The following CADM2 variants were observed in gnomAD, a reference collection of about 807,000 sequenced individuals.
CADM2 encodes immunoglobulin superfamily member 4D.
CADM2 carries 12 observed loss-of-function variants against 49.8 expected under a neutral mutation model. The observed-to-expected ratio is 0.24, with a 90% CI of 0.15 to 0.39. The LOEUF (loss-of-function observed/expected upper bound fraction) is 0.39. Ranked by LOEUF, CADM2 falls within the 10% of genes least tolerant of loss-of-function variation. CADM2 has a pLI of 1.00. For missense variants in CADM2, 378 were observed against 492.3 expected, an observed-to-expected ratio of 0.77 and a Z score of 2.20; for synonymous variants, 214 against 175.4, an observed-to-expected ratio of 1.22 and a Z score of -1.74.
intron 1 of CADM2, among the ~76,000 whole-genome samples, chr3:85,260,791 T>C (rs1031479930): frequency 6.6e-6 from 1 of 152,198 alleles, no homozygotes; most frequent in Non-Finnish European, 1.5e-5. Flanking sequence ...GAAAGTAAAC[T>C]ATTCACAAAT....
intron 8 of CADM2, among the ~76,000 whole-genome samples, chr3:86,000,814 ATTT>A (rs1305696379): frequency 1.3e-5 from 2 of 152,196 alleles, no homozygotes; most frequent in African/African-American, 4.8e-5. Flanking sequence ...TAAATAATTT[ATTT>A]TAAGAATTTG....
intron 2 of CADM2, chr3:85,800,110 T>C (rs2071906507): frequency 6.6e-6 from 1 of 152,218 alleles, no homozygotes; most frequent in South Asian, 2.1e-4. Context: ...AGAGAGGCAG[T>C]GTGGAAACAG....
At chr3:85,907,636 C>T (rs1716978591) in intron 5 of CADM2, among the ~76,000 whole-genome samples, 1 of 152,220 alleles carries the variant, frequency 6.6e-6, no homozygotes, top group African/African-American at 2.4e-5. Context: ...ATTGGCTGGA[C>T]ACGGTGGCTC....
intron 1 of CADM2, among the ~76,000 whole-genome samples, chr3:85,375,612 A>G (rs1015835372): frequency 7.4e-4 from 113 of 152,292 alleles, no homozygotes; most frequent in African/African-American, 2.6e-3. Context: ...CCAAGAAGGA[A>G]CTGAAAGAAC....
chr3:85,307,680 C>T (rs541994859), intron 1 of CADM2, among the ~76,000 whole-genome samples: 3 of 151,742 alleles, frequency 2.0e-5, no homozygotes, highest in African/African-American at 7.2e-5. Flanking sequence ...CATGATTTCC[C>T]TCACTGTTCT....
chr3:85,908,615 A>G (rs1395348879), intron 5 of CADM2, among the ~76,000 whole-genome samples: 2 of 151,996 alleles, frequency 1.3e-5, no homozygotes, highest in Non-Finnish European at 2.9e-5. Context: ...AGAATGAGAA[A>G]CTGCATGCCA....
chr3:85,321,116 ATTTTTTTTTTTTT>A (rs1157576505), intron 1 of CADM2, among the ~76,000 whole-genome samples: 2 of 27,496 alleles, frequency 7.3e-5, no homozygotes, highest in Non-Finnish European at 6.5e-5. Flanking sequence ...ATATATATAT[ATTTTTTTTTTTTT>A]TTTTTTTTTT....
intron 1 of CADM2, among the ~76,000 whole-genome samples, chr3:85,227,378 A>G (rs1433068825): frequency 3.3e-5 from 5 of 150,488 alleles, no homozygotes; most frequent in Non-Finnish European, 7.4e-5. Context: ...CCATTATGTA[A>G]TGCCTTTCTT....
At chr3:84,977,980 G>C (rs768889515) in intron 1 of CADM2, among the ~76,000 whole-genome samples, 12 of 152,028 alleles carry the variant, frequency 7.9e-5, no homozygotes, top group Non-Finnish European at 1.5e-4. Flanking sequence ...ACTTTTGAAG[G>C]AGAATAAAGG....
intron 1 of CADM2, among the ~76,000 whole-genome samples, chr3:85,128,094 ATGG>A (rs1243725661): frequency 6.6e-6 from 1 of 152,156 alleles, no homozygotes; most frequent in African/African-American, 2.4e-5. Flanking sequence ...AGTTTATTGA[ATGG>A]TGCTTATATA....
At chr3:85,337,313 G>A (rs1464551008) in intron 1 of CADM2, among the ~76,000 whole-genome samples, 1 of 150,564 alleles carries the variant, frequency 6.6e-6, no homozygotes, top group Non-Finnish European at 1.5e-5. Flanking sequence ...TTTTAATGAG[G>A]GGCAAAAAGA....
At chr3:85,732,304 C>T (rs2067968954) in intron 2 of CADM2, among the ~76,000 whole-genome samples, 1 of 151,754 alleles carries the variant, frequency 6.6e-6, no homozygotes, top group South Asian at 2.1e-4. Flanking sequence ...CAAATTCTTG[C>T]ATAACAGCTA....
chr3:85,753,266 C>G (rs2068947415), intron 2 of CADM2, among the ~76,000 whole-genome samples: 1 of 149,936 alleles, frequency 6.7e-6, no homozygotes. Context: ...TTTGATGAAG[C>G]AAGAAAGAAA....
chr3:85,430,229 T>C (rs55974846), intron 1 of CADM2, among the ~76,000 whole-genome samples: 106 of 152,290 alleles, frequency 7.0e-4, no homozygotes, highest in Non-Finnish European at 1.3e-3. Flanking sequence ...CAGATCCTTT[T>C]ATAGCTTTCC....
At chr3:85,967,041 C>T (rs1725566214) in intron 8 of CADM2, among the ~76,000 whole-genome samples, 1 of 151,582 alleles carries the variant, frequency 6.6e-6, no homozygotes, top group Admixed American at 6.6e-5. Flanking sequence ...TCCTAAGAAT[C>T]AATAAGATTG....
intron 8 of CADM2, among the ~76,000 whole-genome samples, chr3:85,978,975 G>A (rs1727131898): frequency 6.6e-6 from 1 of 151,542 alleles, no homozygotes; most frequent in African/African-American, 2.4e-5. Context: ...TCTTTGCTTT[G>A]TGTTGGAGCA....
At chr3:85,010,630 A>C (rs73843263) in intron 1 of CADM2, among the ~76,000 whole-genome samples, 7,666 of 152,056 alleles carry the variant, frequency 0.05, 635 homozygotes, top group African/African-American at 0.17. Context: ...AATCTTTGCT[A>C]CATCTTAAAG....
intron 3 of CADM2, among the ~76,000 whole-genome samples, chr3:85,877,211 A>G (rs954930043): frequency 1.3e-5 from 2 of 152,092 alleles, no homozygotes; most frequent in African/African-American, 4.8e-5. Flanking sequence ...TAGCTCTGTG[A>G]TATGTGAATA....
chr3:85,263,040 T>G (rs992631208), intron 1 of CADM2, among the ~76,000 whole-genome samples: 1 of 152,124 alleles, frequency 6.6e-6, no homozygotes, highest in African/African-American at 2.4e-5. Flanking sequence ...TCGCCCAGGC[T>G]GTAGTGCAGT....
Sources: gnomAD v4.1 joint callset for allele counts (sites outside exome capture counted in the v4.1 genomes callset) on GRCh38, gnomAD v4.1.1 for gene constraint, MANE v1.5 for transcripts, NCBI Gene and HGNC (gene_info 2026-07-23, HGNC 2026-07-21) for gene names.